The following RASA3 variants were observed in gnomAD, a reference collection of about 807,000 sequenced individuals.
RASA3 encodes the protein RAS p21 protein activator 3, also known as ras GTPase-activating protein 3.
In RASA3, 73 loss-of-function variants were observed where a neutral mutation model predicts 110.0. The observed-to-expected ratio is 0.66, with a 90% CI of 0.55 to 0.81. RASA3 has a LOEUF of 0.81. RASA3 is among the 30% of genes least tolerant of loss of function. RASA3 has a pLI of 0.00. For synonymous variants in RASA3, 500 were observed against 451.4 expected (o/e 1.11, Z -1.37); for missense variants, 976 against 1,113.2 (o/e 0.88, Z 1.75).
At chr13:114,123,839 G>A (rs2139795706) in intron 1 of RASA3, among the ~76,000 whole-genome samples, 1 of 152,342 alleles carries the variant, frequency 6.6e-6, no homozygotes, top group South Asian at 2.1e-4. Flanking sequence ...CGGTGTCTAG[G>A]AAAGACTCAG....
At position 114,053,923 on chromosome 13, in the gene RASA3, C is replaced by T. The variant is rs572599869; in HGVS notation, c.174-1768G>A. On this transcript the variant is annotated intron_variant, in intron 2 of 23. Transcript: ENST00000334062. Reference sequence around the variant, plus strand: ...AACGAATCACCTAAGATCAGGAGTTCGAGACCAGCCTGGCCAACATGGCAA... The same window carrying T: ...AACGAATCACCTAAGATCAGGAGTTTGAGACCAGCCTGGCCAACATGGCAA... Among the ~76,000 whole-genome samples the T allele has an allele frequency of 2.8e-4, 42 of 152,306 alleles. 1 individual carries two copies. The highest frequency in any genetic ancestry group is 3.1e-4 in the African/African-American group (13 of 41,572).
At position 113,978,982 on chromosome 13, in the gene RASA3, G is replaced by A. The variant is rs1228380798; in HGVS notation, c.*365C>T. Reference sequence around the variant, plus strand: ...ACGTGCACGAGACTGACGCACACACGGCCGGAGGTGCATGTCACAGTCGAC... The same window carrying A: ...ACGTGCACGAGACTGACGCACACACAGCCGGAGGTGCATGTCACAGTCGAC... On this transcript the variant is annotated 3_prime_UTR_variant, in exon 24 of 24. Coordinates refer to ENST00000334062, the MANE Select transcript of RASA3 (RefSeq NM_007368.4). The A allele has an allele frequency of 2.6e-5, 8 of 304,836 alleles. No homozygotes were observed. Among genetic ancestry groups the A allele is most frequent in the Admixed American group, 9.1e-5 (2 of 21,864 alleles). 18.9% of individuals were successfully genotyped at this position (304,836 alleles called of 1,614,324 possible).
intron 1 of RASA3, among the ~76,000 whole-genome samples, chr13:114,128,919 G>C (rs554432162): frequency 4.3e-4 from 65 of 152,218 alleles, no homozygotes; most frequent in African/African-American, 1.3e-3. Context: ...CCTGGACCGC[G>C]GGGCTGGCTT....
intron 4 of RASA3, among the ~76,000 whole-genome samples, chr13:114,040,059 C>G (rs958643946): frequency 6.6e-6 from 1 of 152,264 alleles, no homozygotes; most frequent in African/African-American, 2.4e-5. Context: ...CCCATGTTTT[C>G]TCTTGGGCCT....
In RASA3 at chr13:114,011,241, T is replaced by C; in HGVS notation, c.1520A>G (p.Gln507Arg). 6.2e-7 allele frequency: 1 copy of C among 1,612,064 alleles called. No homozygotes were observed. Among genetic ancestry groups the C allele is most frequent in the Non-Finnish European group, 8.5e-7 (1 of 1,179,328 alleles). ...GATCAATGTCAGCGTCCTGGACGTC[T>C]GGGGGTCCTGGGGAGGCGGGAGCAA... ...FQLTPHHTDP[Q>R]TSRTLTLISK... The change falls in exon 16 of 24, where the codon CAG becomes CGG. Residue 507 changes from glutamine (Q) to arginine (R), a missense_variant. Physicochemically the swap from Gln to Arg is conservative, Grantham distance 43. Around this residue, in one of 4 missense-constraint regions of RASA3, gnomAD observed 732 missense variants for 779.7 expected, o/e 0.94. Coordinates refer to ENST00000334062, the MANE Select transcript of RASA3 (RefSeq NM_007368.4). This position sits in a 1 kb window ranked among gnomAD's most constrained non-coding sequence, Gnocchi z 4.8.
chr13:114,003,748 ATAT>A (rs1385192612), intron 18 of RASA3, among the ~76,000 whole-genome samples: 13 of 152,162 alleles, frequency 8.5e-5, no homozygotes, highest in Admixed American at 8.5e-4. Flanking sequence ...TTATTTAAAC[ATAT>A]TATTATTTTT....
chr13:114,102,501 C>T (rs955635672), intron 1 of RASA3, among the ~76,000 whole-genome samples: 4 of 152,126 alleles, frequency 2.6e-5, no homozygotes, highest in East Asian at 1.9e-4. Context: ...CTGCGTGGGA[C>T]GGGCAGGAGG....
rs990760155 is a variant in RASA3, at chr13:114,046,735, G to A, written c.277+5317C>T. Among the ~76,000 whole-genome samples the A allele has an allele frequency of 3.3e-5, 5 of 152,154 alleles. 1 individual carries two copies. Among genetic ancestry groups the A allele is most frequent in the African/African-American group, 9.6e-5 (4 of 41,518 alleles). On this transcript the variant is annotated intron_variant, in intron 3 of 23. Transcript: ENST00000334062. ...AGCCCTGCCTTCAGAGTCCAGTCCC[G>A]CCTCCTACCTCAGATGGAAGAGAAT... is the stretch of plus-strand genomic sequence containing the variant.
chr13:113,980,533 T>A lies in RASA3; in HGVS notation c.2430-1111A>T, dbSNP rs9670093. 4.7e-3 allele frequency among the ~76,000 whole-genome samples: 720 copies of A among 151,956 alleles called. 5 individuals carry two copies. The highest frequency in any genetic ancestry group is 0.016 in the African/African-American group (677 of 41,514). On this transcript the variant is annotated intron_variant, in intron 23 of 23. Coordinates refer to ENST00000334062, the MANE Select transcript of RASA3 (RefSeq NM_007368.4). Reference sequence around the variant, plus strand: ...TGTGTGCCTCGTGTGCGCCTTCTACTACAACAAACAGCATCATGCTTCGCG... The same window carrying A: ...TGTGTGCCTCGTGTGCGCCTTCTACAACAACAAACAGCATCATGCTTCGCG...
At chr13:114,116,940 A>AGCACGTGTGTGAGGGGT (rs1277521077) in intron 1 of RASA3, among the ~76,000 whole-genome samples, 1 of 63,270 alleles carries the variant, frequency 1.6e-5, no homozygotes, top group Non-Finnish European at 3.0e-5. Flanking sequence ...GTGTGAGGGG[A>AGCACGTGTGTGAGGGGT]GCACGTGTGT....
At chr13:114,040,934 G>C in intron 4 of RASA3, 66 bp downstream of exon 4, 1 of 1,472,020 alleles carries the variant, frequency 6.8e-7, no homozygotes, top group Non-Finnish European at 9.5e-7. Context: ...AGTCGGAGCC[G>C]GGCCCGTCTC....
chr13:114,058,672 G>A (rs2079287241), intron 2 of RASA3, among the ~76,000 whole-genome samples: 1 of 152,236 alleles, frequency 6.6e-6, no homozygotes. Flanking sequence ...CCCAGGCCCT[G>A]CTCCTCGGAG....
In RASA3 at chr13:114,109,726, A is replaced by G. The variant is rs144624798; in HGVS notation, c.55+22709T>C. Among the ~76,000 whole-genome samples the G allele has an allele frequency of 9.6e-3, 1,449 of 151,104 alleles. 18 individuals are homozygous for G. The highest frequency in any genetic ancestry group is 0.06 in the Middle Eastern group (17 of 282). Reference sequence around the variant, plus strand: ...TGCACACCTGGAGACCAGGCCCTCGAGCCTCCAAACGCCGTGAGCAGCCTC... The same window carrying G: ...TGCACACCTGGAGACCAGGCCCTCGGGCCTCCAAACGCCGTGAGCAGCCTC... On this transcript the variant is annotated intron_variant, in intron 1 of 23. Transcript: ENST00000334062.
At chr13:114,130,663 C>G (rs889039394) in intron 1 of RASA3, among the ~76,000 whole-genome samples, 1 of 152,218 alleles carries the variant, frequency 6.6e-6, no homozygotes, top group Non-Finnish European at 1.5e-5. Flanking sequence ...ACTTCCCATG[C>G]CTTCTGTAAA....
At chr13:114,041,873 C>T (rs1256193254) in intron 3 of RASA3, among the ~76,000 whole-genome samples, 1 of 151,362 alleles carries the variant, frequency 6.6e-6, no homozygotes, top group African/African-American at 2.4e-5. Flanking sequence ...AGATTCCTGG[C>T]CTTCTCCAGA....
intron 2 of RASA3, among the ~76,000 whole-genome samples, chr13:114,061,030 G>A (rs1311943622): frequency 1.3e-5 from 2 of 151,980 alleles, no homozygotes; most frequent in Admixed American, 6.5e-5. Context: ...CCCACAGCCG[G>A]CAGATGGAGC....
chr13:114,107,847 G>C (rs1250184084), intron 1 of RASA3: 2 of 152,166 alleles, frequency 1.3e-5, no homozygotes, highest in Non-Finnish European at 2.9e-5. Flanking sequence ...ATGGAGCCAG[G>C]CTCAGTGTTT....
chr13:114,008,334 C>T (rs1248085405), intron 17 of RASA3, among the ~76,000 whole-genome samples: 1 of 62,906 alleles, frequency 1.6e-5, no homozygotes, highest in East Asian at 4.0e-4. Flanking sequence ...CCACACACCG[C>T]GTTCCTGACC....
chr13:114,025,886 AGAAGCAGCT>A lies in RASA3; in HGVS notation c.603+1494_603+1502del, dbSNP rs1328660273. On this transcript the variant is annotated intron_variant, in intron 7 of 23. Transcript: ENST00000334062. ...CCGGGGCTCAGCCTCCAGCTGGGTC[AGAAGCAGCT>A]GAAGCCGAAAGAGACAGAGTCCTGG... Among the ~76,000 whole-genome samples the A allele has an allele frequency of 2.6e-5, 4 of 152,124 alleles. No individual in the cohort carries two copies. In the South Asian group the frequency reaches 6.2e-4, roughly 24 times the overall value.
Sources: allele counts gnomAD v4.1 joint callset (sites outside exome capture counted in the v4.1 genomes callset), GRCh38; gene constraint gnomAD v4.1.1; regional missense constraint gnomAD v4.1.1; non-coding constraint Gnocchi (gnomAD v3.1); transcripts MANE v1.5; gene names NCBI Gene and HGNC (gene_info 2026-07-23, HGNC 2026-07-21).